The following NYAP2 variants were observed in gnomAD, a reference collection of about 807,000 sequenced individuals.
NYAP2 encodes neuronal tyrosine-phosphorylated phosphoinositide-3-kinase adapter 2.
Under a neutral mutation model 50.4 loss-of-function variants are expected in NYAP2, and 23 were observed. The ratio of observed to expected loss-of-function variants is 0.46; its 90% CI spans 0.33 to 0.65. The LOEUF (loss-of-function observed/expected upper bound fraction) is 0.65, where lower values mean the gene tolerates loss of function less well. Among genes scored for constraint, NYAP2 ranks in the 30% least tolerant of loss-of-function variants. NYAP2 has a pLI of 0.02. For synonymous variants in NYAP2, 394 were observed against 365.2 expected, an observed-to-expected ratio of 1.08 and a Z score of -0.90; for missense variants, 885 against 861.0, an observed-to-expected ratio of 1.03 and a Z score of -0.35.
At chr2:225,700,277 T>C in the NYAP2 span, 1 of 151,474 alleles carries the variant, frequency 6.6e-6, no homozygotes, top group Admixed American at 6.6e-5. Context: ...GAGCAGTGTA[T>C]GGTTGGTGTG....
At chr2:225,435,293 G>T (rs1006364267) in intron 3 of NYAP2, among the ~76,000 whole-genome samples, 1 of 152,052 alleles carries the variant, frequency 6.6e-6, no homozygotes, top group Non-Finnish European at 1.5e-5. Context: ...GTAAAGAATC[G>T]GGTAAGAAAC....
intron 5 of NYAP2, among the ~76,000 whole-genome samples, chr2:225,616,272 G>C (rs1386464698): frequency 1.3e-5 from 2 of 152,068 alleles, no homozygotes; most frequent in African/African-American, 4.8e-5. Context: ...AATTGACATA[G>C]CTGACCCCAA....
downstream of NYAP2, among the ~76,000 whole-genome samples, chr2:225,656,268 CTG>C (rs1388884128): frequency 6.6e-6 from 1 of 152,100 alleles, no homozygotes; most frequent in African/African-American, 2.4e-5. Context: ...TCTGTGGGTC[CTG>C]TGTTTCATGA....
intron 3 of NYAP2, among the ~76,000 whole-genome samples, chr2:225,441,156 G>A (rs994303688): frequency 1.3e-5 from 2 of 152,306 alleles, no homozygotes; most frequent in South Asian, 2.1e-4. Flanking sequence ...TAAGAGCTAC[G>A]TATTCCACAG....
intron 4 of NYAP2, among the ~76,000 whole-genome samples, chr2:225,531,389 A>AT (rs1444608434): frequency 1.3e-5 from 2 of 152,126 alleles, no homozygotes; most frequent in African/African-American, 4.8e-5. Context: ...TTATGTAGGC[A>AT]TTTTTCTGTG....
chr2:225,502,497 AT>A (rs1197435766), intron 3 of NYAP2, among the ~76,000 whole-genome samples: 1 of 152,222 alleles, frequency 6.6e-6, no homozygotes, highest in Non-Finnish European at 1.5e-5. Flanking sequence ...ACATTCATTT[AT>A]TTAATTAATA....
intron 4 of NYAP2, among the ~76,000 whole-genome samples, chr2:225,535,613 C>G (rs1336573686): frequency 6.6e-6 from 1 of 152,098 alleles, no homozygotes. Flanking sequence ...TCCAAGGGAG[C>G]ATTGTGGTGG....
Position 225,495,568 on chromosome 2 carries a change from T to C in NYAP2, c.222-17803T>C, listed in dbSNP as rs183959875. Among the ~76,000 whole-genome samples, 1,017 of 152,266 alleles carry C rather than the reference T, an allele frequency of 6.7e-3. 5 individuals are homozygous for C. Among genetic ancestry groups the C allele is most frequent in the Non-Finnish European group, 1.0e-2 (679 of 68,002 alleles). On this transcript the variant is annotated intron_variant, in intron 3 of 6. Transcript: ENST00000636099. ...TTTACAGGGAGAGATAATTTGTTTT[T>C]TTGTTGAATGACTAGGGCCTAGCAC... is the stretch of plus-strand genomic sequence containing the variant.
At chr2:225,513,342 C>T (rs1168566438) in intron 3 of NYAP2, 29 bp from the exon 4 acceptor site, 1 of 1,610,524 alleles carries the variant, frequency 6.2e-7, no homozygotes, top group South Asian at 1.1e-5. Flanking sequence ...CTTTTGTCTT[C>T]ATGGTTTTTG....
chr2:225,603,429 AAGAC>A (rs1438099445), intron 5 of NYAP2, among the ~76,000 whole-genome samples: 3 of 152,168 alleles, frequency 2.0e-5, no homozygotes, highest in Non-Finnish European at 2.9e-5. Context: ...GGTAGTAAAG[AAGAC>A]AGACAGATTC....
chr2:225,557,455 T>C (rs929482041), intron 4 of NYAP2, among the ~76,000 whole-genome samples: 1 of 152,180 alleles, frequency 6.6e-6, no homozygotes, highest in African/African-American at 2.4e-5. Context: ...TGTATGTTTT[T>C]CCAGGACTAC....
At chr2:225,623,997 T>A (rs1693167366) in intron 5 of NYAP2, among the ~76,000 whole-genome samples, 1 of 152,254 alleles carries the variant, frequency 6.6e-6, no homozygotes, top group Non-Finnish European at 1.5e-5. Context: ...TCATAGCCAA[T>A]GGAAAATTAA....
chr2:225,450,345 T>G (rs1689630415), intron 3 of NYAP2, among the ~76,000 whole-genome samples: 1 of 152,214 alleles, frequency 6.6e-6, no homozygotes. Flanking sequence ...ACAAGAGATG[T>G]GTTTGTTTCT....
intron 4 of NYAP2, among the ~76,000 whole-genome samples, chr2:225,526,335 G>A (rs796879507): frequency 4.6e-5 from 7 of 152,300 alleles, no homozygotes; most frequent in South Asian, 2.1e-4. Flanking sequence ...CTGACAAATA[G>A]CAGATGCTTG....
intron 4 of NYAP2, among the ~76,000 whole-genome samples, chr2:225,528,064 A>G (rs1212020134): frequency 6.6e-6 from 1 of 152,162 alleles, no homozygotes; most frequent in Non-Finnish European, 1.5e-5. Context: ...ATACCATCAT[A>G]TTCATGGTCC....
At chr2:225,618,076 G>C (rs773925304) in intron 5 of NYAP2, among the ~76,000 whole-genome samples, 7 of 152,186 alleles carry the variant, frequency 4.6e-5, no homozygotes, top group Non-Finnish European at 1.0e-4. Context: ...GCATAGGGTG[G>C]CCCATCAATG....
intron 6 of NYAP2, among the ~76,000 whole-genome samples, chr2:225,647,149 G>GA (rs563110485): frequency 1.5e-4 from 22 of 148,904 alleles, no homozygotes; most frequent in African/African-American, 2.5e-4. Flanking sequence ...CCTTTTCTAG[G>GA]AAAAAAAAAA....
At chr2:225,455,103 A>G (rs1282416630) in intron 3 of NYAP2, among the ~76,000 whole-genome samples, 1 of 152,122 alleles carries the variant, frequency 6.6e-6, no homozygotes, top group Non-Finnish European at 1.5e-5. Flanking sequence ...AAAAAACAAA[A>G]CAAAACAAAA....
intron 3 of NYAP2, among the ~76,000 whole-genome samples, chr2:225,413,582 A>G (rs1042333175): frequency 1.3e-5 from 2 of 152,146 alleles, no homozygotes; most frequent in Non-Finnish European, 2.9e-5. Context: ...CCATGTTCTT[A>G]ATTAAAAAAA....
Sources: gnomAD v4.1 joint callset for allele counts (sites outside exome capture counted in the v4.1 genomes callset) on GRCh38, gnomAD v4.1.1 for gene constraint, MANE v1.5 for transcripts, NCBI Gene and HGNC (gene_info 2026-07-23, HGNC 2026-07-21) for gene names.